The following SYNE1 variants were observed in gnomAD, a reference collection of about 807,000 sequenced individuals.
SYNE1 encodes the protein spectrin repeat containing nuclear envelope protein 1.
Under a neutral mutation model 1,111.0 loss-of-function variants are expected in SYNE1, and 616 were observed. The observed-to-expected ratio is 0.55, with a 90% CI of 0.52 to 0.59. The LOEUF (loss-of-function observed/expected upper bound fraction) is 0.59. SYNE1 is among the 20% of genes least tolerant of loss of function. The probability of loss-of-function intolerance (pLI) is 0.00; values close to 1 mark genes in which losing one functional copy is unlikely to be tolerated. For synonymous variants in SYNE1, 3,855 were observed against 3,825.8 expected (o/e 1.01, Z -0.28); for missense variants, 10,006 against 10,417.0 (o/e 0.96, Z 1.72).
intron 23 of SYNE1, 125 bp downstream of exon 23, chr6:152,455,761 A>G: frequency 1.4e-6 from 2 of 1,422,076 alleles, no homozygotes; most frequent in Non-Finnish European, 2.0e-6. Flanking sequence ...AAGTAGGACA[A>G]TGATTGGCTT....
intron 3 of SYNE1, among the ~76,000 whole-genome samples, chr6:152,586,284 T>C (rs2099538643): frequency 6.6e-6 from 1 of 152,198 alleles, no homozygotes; most frequent in South Asian, 2.1e-4. Flanking sequence ...CTTAATTTGT[T>C]ATCTGACATC....
intron 84 of SYNE1, 69 bp from the exon 85 acceptor site, chr6:152,319,084 A>C: frequency 1.3e-6 from 2 of 1,590,208 alleles, no homozygotes; most frequent in Non-Finnish European, 1.7e-6. Context: ...TAAAAATCTC[A>C]AATGATGTTG....
chr6:152,449,397 G>A, intron 28 of SYNE1, 136 bp downstream of exon 28: 1 of 713,006 alleles, frequency 1.4e-6, no homozygotes, highest in Non-Finnish European at 2.5e-6. Context: ...GTAATATAAG[G>A]GGACTTATTT....
Position 152,220,974 on chromosome 6 carries a change from T to A in SYNE1, c.21729A>T (p.Arg7243Ser), listed in dbSNP as rs146044935. 1.9e-6 allele frequency: 3 copies of A among 1,614,172 alleles called. No individual in the cohort carries two copies. Among genetic ancestry groups the A allele is most frequent in the Non-Finnish European group, 2.5e-6 (3 of 1,180,006 alleles). The part of the protein sequence containing the change: ...SSKALLQLWQ[R>S]YKDYSKQCAS... ...CACACTGTTTGGAGTAGTCCTTGTA[T>A]CTTTGCCAAAGCTGAAGTAGGGCCT... The change falls in exon 119 of 146, where the codon AGA becomes AGT. Residue 7243 changes from arginine (R) to serine (S), a missense_variant. Physicochemically the swap from Arg to Ser is moderately radical, Grantham distance 110. Coordinates refer to ENST00000367255, the MANE Select transcript of SYNE1 (RefSeq NM_182961.4).
intron 50 of SYNE1, among the ~76,000 whole-genome samples, chr6:152,396,102 A>T (rs1433950426): frequency 2.0e-5 from 3 of 152,208 alleles, no homozygotes; most frequent in Non-Finnish European, 2.9e-5. Flanking sequence ...CTTACTACAA[A>T]GACCCTTGAG....
At position 152,294,430 on chromosome 6, in the gene SYNE1, T is replaced by C. The variant is rs144361362; in HGVS notation, c.17683-303A>G. Among the ~76,000 whole-genome samples the C allele has an allele frequency of 1.4e-4, 22 of 152,342 alleles. No homozygotes were observed. The East Asian group carries it at 4.0e-3, about 28-fold the overall frequency. On this transcript the variant is annotated intron_variant, in intron 93 of 145. Coordinates refer to ENST00000367255, the MANE Select transcript of SYNE1 (RefSeq NM_182961.4). ...ATGGAAATACAAAGGATTTAAGCAG[T>C]ACACATGTATTTAAAGGTTGATTAG...
intron 129 of SYNE1, 144 bp downstream of exon 129, chr6:152,179,992 T>C: frequency 1.0e-6 from 1 of 979,648 alleles, no homozygotes; most frequent in Non-Finnish European, 1.5e-6. Flanking sequence ...TGCAAGTTTA[T>C]TTTATATTAA....
At chr6:152,619,490 T>A (rs1279137684) in intron 3 of SYNE1, among the ~76,000 whole-genome samples, 2 of 152,012 alleles carry the variant, frequency 1.3e-5, no homozygotes, top group Non-Finnish European at 2.9e-5. Context: ...ATCCAGCACC[T>A]GTAGTGCCAT....
intron 127 of SYNE1, among the ~76,000 whole-genome samples, chr6:152,193,550 T>C (rs896549347): frequency 1.3e-5 from 2 of 152,128 alleles, no homozygotes; most frequent in Admixed American, 6.5e-5. Context: ...ACTCCTGGCC[T>C]CAAGTGATCC....
intron 72 of SYNE1, among the ~76,000 whole-genome samples, chr6:152,347,847 A>ATT (rs764560850): frequency 3.7e-4 from 51 of 139,232 alleles, no homozygotes; most frequent in African/African-American, 7.1e-4. Flanking sequence ...CACCTGGCTA[A>ATT]TTTTTTTTTT....
intron 145 of SYNE1, among the ~76,000 whole-genome samples, chr6:152,124,688 C>T (rs992007269): frequency 1.1e-4 from 6 of 52,302 alleles, no homozygotes; most frequent in African/African-American, 7.7e-4. Context: ...TCCTAATAAG[C>T]TGAGGGAAAA....
chr6:152,453,657 T>A lies in SYNE1; in HGVS notation c.2956A>T (p.Thr986Ser). Residue 986 changes from threonine to serine, a missense_variant, in exon 25 of 146, where the codon ACC (threonine) becomes TCC (serine). Around this residue, in one of 7 missense-constraint regions of SYNE1, gnomAD observed 1,971 missense variants for 2,084.1 expected, o/e 0.95. Transcript: ENST00000367255. Reference sequence around the variant, plus strand: ...TGCTCCTGCTCTGGAAGGATGTCGGTGAGTTCATCACAAGCTTTCAGGAAA... The same window carrying A: ...TGCTCCTGCTCTGGAAGGATGTCGGAGAGTTCATCACAAGCTTTCAGGAAA... ...NAFLKACDEL[T>S]DILPEQEQQG... 1 of 1,614,186 alleles carries A rather than the reference T, an allele frequency of 6.2e-7. No individual in the cohort carries two copies.
chr6:152,421,172 A>G (rs1245996866), intron 39 of SYNE1, among the ~76,000 whole-genome samples: 3 of 152,228 alleles, frequency 2.0e-5, no homozygotes, highest in African/African-American at 7.2e-5. Context: ...TGGTAAGTAA[A>G]GAATGTCACT....
At chr6:152,545,054 T>G (rs1472801887) in intron 3 of SYNE1, among the ~76,000 whole-genome samples, 1 of 152,194 alleles carries the variant, frequency 6.6e-6, no homozygotes, top group African/African-American at 2.4e-5. Flanking sequence ...CAATATCCAC[T>G]TAACAGATGG....
chr6:152,168,010 A>T (rs764234045), intron 130 of SYNE1: 2 of 779,702 alleles, frequency 2.6e-6, no homozygotes, highest in Non-Finnish European at 4.8e-6. Context: ...TTCATGTAAC[A>T]TTGGCAAAAA....
At position 152,232,134 on chromosome 6, in the gene SYNE1, T is replaced by C; in HGVS notation, c.20844A>G (p.Glu6948=). ...TAATTACCTTATATTTCTGAAGGTA[T>C]TCATGAATTGCCTTGTAACCTATGG... ...KNSIGYKAIH[E]YLQKYKGFKI... The change falls in exon 113 of 146, where the codon GAA becomes GAG. Residue 6948 remains glutamate (E), a synonymous_variant. Coordinates refer to ENST00000367255, the MANE Select transcript of SYNE1 (RefSeq NM_182961.4). The C allele has an allele frequency of 6.3e-7, 1 of 1,584,204 alleles. No individual in the cohort carries two copies. The highest frequency in any genetic ancestry group is 8.7e-7 in the Non-Finnish European group (1 of 1,153,268).
At chr6:152,136,591 T>A (rs538023227) in intron 141 of SYNE1, 27 bp downstream of exon 141, 1 of 1,611,470 alleles carries the variant, frequency 6.2e-7, no homozygotes, top group Non-Finnish European at 8.5e-7. Flanking sequence ...TCTCTCTGAG[T>A]CACCTCCTGC....
chr6:152,624,684 ACT>A (rs573821416), intron 3 of SYNE1, among the ~76,000 whole-genome samples: 71 of 152,318 alleles, frequency 4.7e-4, no homozygotes, highest in South Asian at 8.3e-4. Flanking sequence ...AGCAAATGAA[ACT>A]CTGCATTGCA....
At chr6:152,510,520 T>C in intron 7 of SYNE1, 149 bp from the exon 8 acceptor site, 1 of 861,106 alleles carries the variant, frequency 1.2e-6, no homozygotes, top group Non-Finnish European at 1.9e-6. Flanking sequence ...ATGATTGATA[T>C]CTTACTCCTC....
Sources: gnomAD v4.1 joint callset for allele counts (sites outside exome capture counted in the v4.1 genomes callset) on GRCh38, gnomAD v4.1.1 for gene constraint, gnomAD v4.1.1 regional missense constraint, MANE v1.5 for transcripts, NCBI Gene and HGNC (gene_info 2026-07-23, HGNC 2026-07-21) for gene names.